GRIK1: variants seen among roughly 807,000 people sequenced by gnomAD.
GRIK1 encodes glutamate receptor ionotropic, kainate 1.
A neutral mutation model predicts 105.7 loss-of-function variants in GRIK1; 69 were observed. The ratio of observed to expected loss-of-function variants is 0.65; its 90% CI spans 0.54 to 0.80. GRIK1 has a LOEUF of 0.80. Ranked by LOEUF, GRIK1 falls within the 30% of genes least tolerant of loss-of-function variation. The pLI is 0.00. For synonymous variants in GRIK1, 438 were observed against 431.3 expected (o/e 1.02, Z -0.19); for missense variants, 1,109 against 1,167.3 (o/e 0.95, Z 0.73).
intron 7 of GRIK1, among the ~76,000 whole-genome samples, chr21:29,621,601 T>G (rs191489444): frequency 6.6e-6 from 1 of 152,302 alleles, no homozygotes; most frequent in African/African-American, 2.4e-5. Context: ...TTGCCCAGTA[T>G]TATCTAGATT....
chr21:29,859,793 A>T (rs2146085891), intron 1 of GRIK1, among the ~76,000 whole-genome samples: 1 of 152,352 alleles, frequency 6.6e-6, no homozygotes, highest in South Asian at 2.1e-4. Context: ...GTAGTCAGAC[A>T]AATGAAGTTT....
At chr21:29,710,574 T>G (rs28585397) in intron 1 of GRIK1, among the ~76,000 whole-genome samples, 3,651 of 152,228 alleles carry the variant, frequency 0.024, 144 homozygotes, top group African/African-American at 0.083. Flanking sequence ...TTTAGACTGT[T>G]ACCTATTTCA....
chr21:29,776,565 T>G (rs1424192714), intron 1 of GRIK1, among the ~76,000 whole-genome samples: 1 of 152,216 alleles, frequency 6.6e-6, no homozygotes, highest in Non-Finnish European at 1.5e-5. Context: ...AATGGAGAGA[T>G]AGGAACTACA....
rs144104977 is a variant in GRIK1, at chr21:29,603,091, T to C, written c.1099-4154A>G. Reference sequence around the variant, plus strand: ...TAATGAAAATAGTTCCACAGCAGGATAGACAGAATTTCATAAAGAGTATGT... The same window carrying C: ...TAATGAAAATAGTTCCACAGCAGGACAGACAGAATTTCATAAAGAGTATGT... On this transcript the variant is annotated intron_variant, in intron 7 of 17. Coordinates refer to ENST00000327783, the MANE Select transcript of GRIK1 (RefSeq NM_001330994.2). 3.4e-3 allele frequency among the ~76,000 whole-genome samples: 519 copies of C among 152,228 alleles called. 2 individuals are homozygous for C. Among genetic ancestry groups the C allele is most frequent in the African/African-American group, 0.012 (495 of 41,524 alleles).
intron 9 of GRIK1, among the ~76,000 whole-genome samples, chr21:29,592,251 G>A (rs1415366544): frequency 2.0e-5 from 3 of 152,098 alleles, no homozygotes; most frequent in Admixed American, 2.0e-4. Context: ...CTGTTTACCT[G>A]TCTTGTCTGT....
intron 1 of GRIK1, among the ~76,000 whole-genome samples, chr21:29,735,174 C>T (rs1395011705): frequency 6.6e-6 from 1 of 152,204 alleles, no homozygotes; most frequent in Non-Finnish European, 1.5e-5. Flanking sequence ...CATCGTGGAT[C>T]TCCAGAGCCT....
chr21:29,774,975 A>G (rs963406309), intron 1 of GRIK1, among the ~76,000 whole-genome samples: 1 of 152,110 alleles, frequency 6.6e-6, no homozygotes, highest in African/African-American at 2.4e-5. Context: ...CCTGCTCCTC[A>G]TATACTATCC....
intron 1 of GRIK1, among the ~76,000 whole-genome samples, chr21:29,792,496 A>T (rs1277864797): frequency 6.6e-6 from 1 of 152,218 alleles, no homozygotes; most frequent in East Asian, 1.9e-4. Flanking sequence ...ACTTCTCAAC[A>T]TGAGAAATCC....
At chr21:29,803,852 A>G (rs1448637167) in intron 1 of GRIK1, among the ~76,000 whole-genome samples, 1 of 152,110 alleles carries the variant, frequency 6.6e-6, no homozygotes, top group East Asian at 1.9e-4. Flanking sequence ...GTCTGTACAC[A>G]TGATCGAGGA....
intron 1 of GRIK1, among the ~76,000 whole-genome samples, chr21:29,725,714 A>C (rs1601538882): frequency 6.6e-6 from 1 of 152,224 alleles, no homozygotes; most frequent in Non-Finnish European, 1.5e-5. Flanking sequence ...AGAGTGCATA[A>C]AGTATGCCTC....
chr21:29,715,489 A>G (rs1235685261), intron 1 of GRIK1, among the ~76,000 whole-genome samples: 2 of 150,696 alleles, frequency 1.3e-5, no homozygotes, highest in Non-Finnish European at 2.9e-5. Flanking sequence ...TAATATTTAA[A>G]TCAAATTAAT....
chr21:29,549,544 G>A (rs1814014106), intron 16 of GRIK1, among the ~76,000 whole-genome samples: 1 of 152,084 alleles, frequency 6.6e-6, no homozygotes, highest in African/African-American at 2.4e-5. Context: ...GCAGATTCCT[G>A]GACTCTTCCT....
intron 8 of GRIK1, among the ~76,000 whole-genome samples, chr21:29,597,339 A>G (rs979014992): frequency 6.6e-6 from 1 of 152,246 alleles, no homozygotes; most frequent in African/African-American, 2.4e-5. Flanking sequence ...CAATGTGCAT[A>G]ATATTACGGT....
chr21:29,669,892 T>C (rs542059298), intron 4 of GRIK1, among the ~76,000 whole-genome samples: 53 of 152,254 alleles, frequency 3.5e-4, no homozygotes, highest in Non-Finnish European at 5.7e-4. Flanking sequence ...CAAGTCTCTT[T>C]CTACAGTTTT....
chr21:29,897,914 T>C (rs1468208785), intron 1 of GRIK1, among the ~76,000 whole-genome samples: 1 of 152,236 alleles, frequency 6.6e-6, no homozygotes, highest in East Asian at 1.9e-4. Context: ...TATCTTATCT[T>C]ATAGACTTGA....
intron 10 of GRIK1, 55 bp downstream of exon 10, chr21:29,591,057 A>C: frequency 1.1e-6 from 1 of 939,012 alleles, no homozygotes; most frequent in East Asian, 2.4e-5. Flanking sequence ...GAATGCTTCG[A>C]AGTCTAAGGC....
intron 7 of GRIK1, chr21:29,630,607 C>T: frequency 2.1e-6 from 1 of 471,260 alleles, no homozygotes; most frequent in Non-Finnish European, 4.4e-6. Flanking sequence ...TGGAAGAGGA[C>T]CTTGAACCTA....
intron 16 of GRIK1, among the ~76,000 whole-genome samples, chr21:29,541,870 CG>C (rs2089978496): frequency 6.6e-6 from 1 of 151,986 alleles, no homozygotes. Context: ...CCACAGTCCC[CG>C]GCAATTTAAA....
chr21:29,591,135 T>C lies in GRIK1; in HGVS notation c.1342A>G (p.Thr448Ala). The C allele has an allele frequency of 6.3e-7, 1 of 1,595,650 alleles. No individual in the cohort carries two copies. The highest frequency in any genetic ancestry group is 1.7e-5 in the Admixed American group (1 of 60,010). ...ACCAGAATGGTGGTGACAATGAGTGTTCTGTTGGCCAATGAATCAGTGATA... is the reference window on the plus strand; with the variant it reads ...ACCAGAATGGTGGTGACAATGAGTGCTCTGTTGGCCAATGAATCAGTGATA... ...SNITDSLANR[T>A]LIVTTILEEP... Residue 448 changes from threonine to alanine, a missense_variant, in exon 10 of 18, where the codon ACA (threonine) becomes GCA (alanine). Around this residue, in one of 5 missense-constraint regions of GRIK1, gnomAD observed 612 missense variants for 586.0 expected, o/e 1.04. Coordinates refer to ENST00000327783, the MANE Select transcript of GRIK1 (RefSeq NM_001330994.2).
Sources: gnomAD v4.1 joint callset for allele counts (sites outside exome capture counted in the v4.1 genomes callset) on GRCh38, gnomAD v4.1.1 for gene constraint, gnomAD v4.1.1 regional missense constraint, MANE v1.5 for transcripts, NCBI Gene and HGNC (gene_info 2026-07-23, HGNC 2026-07-21) for gene names.